The following KAZN variants were observed in gnomAD, a reference collection of about 807,000 sequenced individuals.
KAZN encodes the protein kazrin, periplakin interacting protein.
A neutral mutation model predicts 87.4 loss-of-function variants in KAZN; 40 were observed. The observed-to-expected ratio is 0.46, with a 90% CI of 0.36 to 0.60. The LOEUF is 0.60. KAZN is among the 20% of genes least tolerant of loss of function. The pLI is 0.00. For synonymous variants in KAZN, 466 were observed against 458.3 expected (o/e 1.02, Z -0.22); for missense variants, 898 against 1,073.9 (o/e 0.84, Z 2.29).
chr1:15,012,205 A>G (rs1335640777), intron 2 of KAZN, among the ~76,000 whole-genome samples: 2 of 152,106 alleles, frequency 1.3e-5, no homozygotes, highest in Non-Finnish European at 2.9e-5. Context: ...CACTCTACTC[A>G]CACCCCAGGA....
chr1:14,339,990 C>T (rs1401125827), intron 2 of KAZN, among the ~76,000 whole-genome samples: 1 of 152,192 alleles, frequency 6.6e-6, no homozygotes, highest in Non-Finnish European at 1.5e-5. Context: ...CCATGCTTCA[C>T]CTTGAAGTTC....
rs1401930342 is a variant in KAZN at position 15,115,833 on chromosome 1, T to TAAC, written c.*1200_*1202dup. ...GAGGATTAACACTTGCTAATATCTG[T>TAAC]AACACAATTTGTAACCTCTCAGGAG... On this transcript the variant is annotated 3_prime_UTR_variant, in exon 15 of 15. Coordinates refer to ENST00000376030, the MANE Select transcript of KAZN (RefSeq NM_201628.3). The surrounding 1 kb of genome is among the most constrained non-coding windows in gnomAD (Gnocchi z 4.1). 6.6e-6 allele frequency: 1 copy of TAAC among 152,234 alleles called. No homozygotes were observed. The highest frequency in any genetic ancestry group is 1.5e-5 in the Non-Finnish European group (1 of 68,054). 9.4% of individuals were successfully genotyped at this position (152,234 alleles called of 1,614,324 possible). A position where few individuals can be genotyped will look rare whatever the true frequency, so the allele number is the denominator to read the frequency against.
chr1:14,182,322 C>A (rs907256862), intron 2 of KAZN, among the ~76,000 whole-genome samples: 1 of 152,138 alleles, frequency 6.6e-6, no homozygotes, highest in Non-Finnish European at 1.5e-5. Flanking sequence ...TAGGTGTCTA[C>A]CTGGGTCAGG....
intron 2 of KAZN, among the ~76,000 whole-genome samples, chr1:14,378,092 C>T (rs1037390286): frequency 7.2e-5 from 11 of 152,112 alleles, no homozygotes; most frequent in African/African-American, 2.2e-4. Flanking sequence ...AGACCTTACT[C>T]AGTGCTAGGT....
chr1:14,847,340 G>T (rs995522618), intron 1 of KAZN, among the ~76,000 whole-genome samples: 1 of 152,156 alleles, frequency 6.6e-6, no homozygotes. Flanking sequence ...GACTGCAGCC[G>T]AGGCCTGTGA....
chr1:14,790,991 C>T (rs757518204), intron 1 of KAZN, among the ~76,000 whole-genome samples: 2 of 152,136 alleles, frequency 1.3e-5, no homozygotes, highest in South Asian at 2.1e-4. Flanking sequence ...CGCACCGGCC[C>T]CCGCTGGCTT....
intron 2 of KAZN, among the ~76,000 whole-genome samples, chr1:14,284,504 GA>G (rs141494153): frequency 0.022 from 3,316 of 152,296 alleles, 61 homozygotes; most frequent in Non-Finnish European, 0.039. Context: ...GGAGAGCAAG[GA>G]GTGAGAGGAT....
At chr1:14,833,571 AC>A (rs539060125) in intron 1 of KAZN, among the ~76,000 whole-genome samples, 7 of 151,382 alleles carry the variant, frequency 4.6e-5, no homozygotes, top group Admixed American at 6.6e-5. Context: ...TCCGTCCTCT[AC>A]CCCCCCCAGG....
chr1:14,927,874 C>T (rs563704184), intron 1 of KAZN, among the ~76,000 whole-genome samples: 43 of 152,170 alleles, frequency 2.8e-4, no homozygotes, highest in Middle Eastern at 3.4e-3. Context: ...GGGACTGGGG[C>T]GCTTGTGTGT....
At chr1:14,947,378 T>G (rs1167654345) in intron 1 of KAZN, among the ~76,000 whole-genome samples, 1 of 152,148 alleles carries the variant, frequency 6.6e-6, no homozygotes, top group Non-Finnish European at 1.5e-5. Context: ...GTCCCTCCCC[T>G]GGGTACCTCC....
intron 1 of KAZN, among the ~76,000 whole-genome samples, chr1:14,050,940 C>A (rs1642303183): frequency 6.6e-6 from 1 of 152,178 alleles, no homozygotes; most frequent in Admixed American, 6.5e-5. Flanking sequence ...GAAATGATCT[C>A]AAATGTTTTT....
chr1:14,659,847 G>GC (rs1639037548), intron 1 of KAZN, among the ~76,000 whole-genome samples: 1 of 150,134 alleles, frequency 6.7e-6, no homozygotes, highest in Non-Finnish European at 1.5e-5. Context: ...CTGAATGCCA[G>GC]CCCCCAGCAA....
intron 1 of KAZN, among the ~76,000 whole-genome samples, chr1:14,644,651 G>A (rs189799594): frequency 2.0e-5 from 3 of 152,250 alleles, no homozygotes; most frequent in East Asian, 3.9e-4. Flanking sequence ...GTGAGCCACC[G>A]TGCCGGGCCT....
intron 1 of KAZN, among the ~76,000 whole-genome samples, chr1:14,905,891 G>A (rs868111319): frequency 2.0e-5 from 3 of 148,140 alleles, no homozygotes; most frequent in East Asian, 2.0e-4. Flanking sequence ...AGCACAGGCC[G>A]GACACGGTGG....
intron 2 of KAZN, among the ~76,000 whole-genome samples, chr1:15,007,693 A>G (rs1188537330): frequency 2.6e-5 from 4 of 152,170 alleles, no homozygotes; most frequent in African/African-American, 9.7e-5. Flanking sequence ...GCCCGCCTCC[A>G]TAACAGATGA....
intron 1 of KAZN, among the ~76,000 whole-genome samples, chr1:14,141,952 A>G (rs539648478): frequency 0.011 from 1,118 of 98,388 alleles, 14 homozygotes; most frequent in South Asian, 0.066. Context: ...TGTGCTTATG[A>G]GAATTGATAT....
chr1:14,782,951 G>A (rs1447339665), intron 1 of KAZN, among the ~76,000 whole-genome samples: 1 of 152,060 alleles, frequency 6.6e-6, no homozygotes, highest in East Asian at 1.9e-4. Flanking sequence ...TCTTCTCTGT[G>A]GTAACCCCAG....
At chr1:14,300,753 C>T (rs1654493333) in intron 2 of KAZN, among the ~76,000 whole-genome samples, 1 of 152,194 alleles carries the variant, frequency 6.6e-6, no homozygotes, top group African/African-American at 2.4e-5. Context: ...GTCACCAGAT[C>T]TGGCAACACT....
chr1:14,883,715 A>G (rs1302542808), intron 1 of KAZN, among the ~76,000 whole-genome samples: 1 of 152,180 alleles, frequency 6.6e-6, no homozygotes, highest in African/African-American at 2.4e-5. Flanking sequence ...TCACATGGAC[A>G]CAGGCAAGAC....
Sources: allele counts gnomAD v4.1 joint callset (sites outside exome capture counted in the v4.1 genomes callset), GRCh38; gene constraint gnomAD v4.1.1; non-coding constraint Gnocchi (gnomAD v3.1); transcripts MANE v1.5; gene names NCBI Gene and HGNC (gene_info 2026-07-23, HGNC 2026-07-21).